The following TRAPPC12 variants were observed in gnomAD, a reference collection of about 807,000 sequenced individuals.
The protein encoded by TRAPPC12 is trafficking protein particle complex subunit 12.
TRAPPC12 carries 61 observed loss-of-function variants against 69.2 expected under a neutral mutation model. The ratio of observed to expected loss-of-function variants is 0.88; its 90% confidence interval spans 0.72 to 1.09. The LOEUF is 1.09. Among genes scored for constraint, TRAPPC12 ranks in the 50% least tolerant of loss-of-function variants. The pLI is 0.00. For missense variants in TRAPPC12, 1,101 were observed against 1,016.4 expected (o/e 1.08, Z -1.13); for synonymous variants, 469 against 438.9 (o/e 1.07, Z -0.86).
chr2:3,476,096 G>A (rs1317312663), intron 9 of TRAPPC12, among the ~76,000 whole-genome samples: 1 of 152,220 alleles, frequency 6.6e-6, no homozygotes, highest in African/African-American at 2.4e-5. Context: ...TTCGGACTGT[G>A]CAGACGACGG....
At chr2:3,393,424 A>T (rs576402426) in intron 2 of TRAPPC12, among the ~76,000 whole-genome samples, 3 of 152,320 alleles carry the variant, frequency 2.0e-5, no homozygotes, top group East Asian at 3.9e-4. Flanking sequence ...TACATTTAAC[A>T]TGGTGACTAT....
chr2:3,423,328 G>GTGTA (rs1662921490), intron 4 of TRAPPC12, among the ~76,000 whole-genome samples: 1 of 149,814 alleles, frequency 6.7e-6, no homozygotes, highest in African/African-American at 2.5e-5. Flanking sequence ...GCCTTTGTGT[G>GTGTA]TGTGTGTGTG....
intron 6 of TRAPPC12, among the ~76,000 whole-genome samples, chr2:3,451,175 A>G (rs1167829545): frequency 6.6e-6 from 1 of 152,248 alleles, no homozygotes; most frequent in Non-Finnish European, 1.5e-5. Flanking sequence ...TGGACAAAAC[A>G]CAAGCAGGTT....
chr2:3,444,244 C>T (rs1227957060), intron 6 of TRAPPC12, among the ~76,000 whole-genome samples: 1 of 152,252 alleles, frequency 6.6e-6, no homozygotes, highest in African/African-American at 2.4e-5. Flanking sequence ...CACGCACCTG[C>T]CACGTGCAGA....
At chr2:3,441,987 C>A (rs1664235447) in intron 5 of TRAPPC12, among the ~76,000 whole-genome samples, 1 of 152,254 alleles carries the variant, frequency 6.6e-6, no homozygotes, top group African/African-American at 2.4e-5. Context: ...AGCTAACTTT[C>A]TGCCACCTTC....
chr2:3,438,148 C>A (rs1663952929), intron 5 of TRAPPC12, among the ~76,000 whole-genome samples: 1 of 51,506 alleles, frequency 1.9e-5, no homozygotes, highest in African/African-American at 8.3e-5. Flanking sequence ...GATTAATCCC[C>A]CCACCACCCC....
intron 2 of TRAPPC12, among the ~76,000 whole-genome samples, chr2:3,396,949 G>A (rs1661167757): frequency 6.6e-6 from 1 of 152,002 alleles, no homozygotes. Context: ...GCCCAGGAGT[G>A]TGAGGCCAGT....
intron 3 of TRAPPC12, among the ~76,000 whole-genome samples, chr2:3,417,342 G>A (rs1313820355): frequency 2.0e-5 from 3 of 148,742 alleles, no homozygotes; most frequent in Admixed American, 6.7e-5. Context: ...CACCGCCCCC[G>A]CTGCCTGCTG....
At chr2:3,380,051 C>T (rs1186131031) in intron 1 of TRAPPC12, among the ~76,000 whole-genome samples, 175 bp downstream of exon 1, 1 of 151,934 alleles carries the variant, frequency 6.6e-6, no homozygotes, top group African/African-American at 2.4e-5. Flanking sequence ...GTGTGCTCCG[C>T]GGGCCTTGTG....
chr2:3,432,985 TAAG>T (rs750217040), intron 5 of TRAPPC12, among the ~76,000 whole-genome samples: 1 of 152,252 alleles, frequency 6.6e-6, no homozygotes, highest in South Asian at 2.1e-4. Flanking sequence ...ATCATTTAAA[TAAG>T]AAATATTTAA....
At chr2:3,405,513 G>A (rs977949205) in intron 3 of TRAPPC12, among the ~76,000 whole-genome samples, 35 of 152,218 alleles carry the variant, frequency 2.3e-4, no homozygotes. Flanking sequence ...ATTGTATCCA[G>A]GGGTAGGATT....
chr2:3,408,259 G>A (rs1157017928), intron 3 of TRAPPC12, among the ~76,000 whole-genome samples: 1 of 152,228 alleles, frequency 6.6e-6, no homozygotes, highest in Non-Finnish European at 1.5e-5. Context: ...TATCACACTG[G>A]CAGCACCAGT....
At chr2:3,389,666 G>A (rs539040998) in intron 2 of TRAPPC12, 18 of 471,104 alleles carry the variant, frequency 3.8e-5, no homozygotes, top group African/African-American at 8.0e-5. Flanking sequence ...GCAGCCGAAG[G>A]GGGTGGGGGA....
chr2:3,412,435 G>A (rs7597252), intron 3 of TRAPPC12, among the ~76,000 whole-genome samples: 44,806 of 152,038 alleles, frequency 0.29, 7,031 homozygotes, highest in Middle Eastern at 0.4. Flanking sequence ...GGTGGTGGGC[G>A]CCTGTAATCC....
At chr2:3,391,557 T>C (rs549811887) in intron 2 of TRAPPC12, among the ~76,000 whole-genome samples, 43 of 152,372 alleles carry the variant, frequency 2.8e-4, no homozygotes, top group African/African-American at 1.0e-3. Context: ...TTTACTAATA[T>C]TCATTTACTA....
At chr2:3,462,834 A>G (rs1006984708) in intron 8 of TRAPPC12, 16 of 448,916 alleles carry the variant, frequency 3.6e-5, no homozygotes, top group Non-Finnish European at 7.1e-5. Flanking sequence ...CTGGGAGGCC[A>G]CTTCCCTCCT....
chr2:3,381,734 G>C (rs1464593061), intron 1 of TRAPPC12, among the ~76,000 whole-genome samples: 1 of 152,162 alleles, frequency 6.6e-6, no homozygotes, highest in Non-Finnish European at 1.5e-5. Context: ...AGCATAAGAT[G>C]GGGACCATTT....
At chr2:3,477,339 C>A (rs1385549745) in intron 9 of TRAPPC12, among the ~76,000 whole-genome samples, 1 of 152,234 alleles carries the variant, frequency 6.6e-6, no homozygotes, top group Admixed American at 6.5e-5. Flanking sequence ...AGGACCTGCT[C>A]ATATTATACC....
At chr2:3,454,877 C>T (rs963408860) in intron 6 of TRAPPC12, 1 of 152,380 alleles carries the variant, frequency 6.6e-6, no homozygotes, top group Non-Finnish European at 1.5e-5. Context: ...GGGTTTTCTC[C>T]TCCACTCAGC....
Sources: gnomAD v4.1 joint callset for allele counts (sites outside exome capture counted in the v4.1 genomes callset) on GRCh38, gnomAD v4.1.1 for gene constraint, MANE v1.5 for transcripts, NCBI Gene and HGNC (gene_info 2026-07-23, HGNC 2026-07-21) for gene names.